The following GRXCR1 variants were observed in gnomAD, a reference collection of about 807,000 sequenced individuals.
The protein encoded by GRXCR1 is glutaredoxin and cysteine rich domain containing 1, also known as glutaredoxin domain-containing cysteine-rich protein 1.
Under a neutral mutation model 27.3 loss-of-function variants are expected in GRXCR1, and 27 were observed. The observed-to-expected ratio is 0.99, with a 90% CI of 0.73 to 1.37. The LOEUF (loss-of-function observed/expected upper bound fraction) is 1.37. Ranked by LOEUF, GRXCR1 falls within the 40% of genes most tolerant of loss-of-function variation. The probability of loss-of-function intolerance (pLI) is 0.00; values close to 1 mark genes in which losing one functional copy is unlikely to be tolerated. For synonymous variants in GRXCR1, 122 were observed against 131.1 expected (o/e 0.93, Z 0.47); for missense variants, 379 against 354.4 (o/e 1.07, Z -0.56).
At chr4:42,976,267 G>T (rs1210833886) in intron 2 of GRXCR1, among the ~76,000 whole-genome samples, 4 of 151,912 alleles carry the variant, frequency 2.6e-5, no homozygotes, top group Non-Finnish European at 5.9e-5. Flanking sequence ...CATGCAATCT[G>T]GTAAAAAGCT....
chr4:42,981,397 C>T (rs985829764), intron 2 of GRXCR1, among the ~76,000 whole-genome samples: 8 of 152,068 alleles, frequency 5.3e-5, no homozygotes, highest in Non-Finnish European at 8.8e-5. Flanking sequence ...ACTGCATATC[C>T]CTTAAAAATT....
At chr4:42,993,943 C>T (rs140413583) in intron 2 of GRXCR1, among the ~76,000 whole-genome samples, 104 of 152,170 alleles carry the variant, frequency 6.8e-4, no homozygotes, top group Admixed American at 2.7e-3. Flanking sequence ...AGAAGAAAAT[C>T]GACCCAAGCA....
intron 2 of GRXCR1, among the ~76,000 whole-genome samples, chr4:42,995,872 C>T (rs1167880653): frequency 3.3e-5 from 5 of 152,136 alleles, no homozygotes; most frequent in African/African-American, 4.8e-5. Context: ...TGATTGAGTC[C>T]GAGGACTTAG....
intron 1 of GRXCR1, among the ~76,000 whole-genome samples, chr4:42,959,659 C>CA (rs1426970383): frequency 1.3e-5 from 2 of 151,824 alleles, no homozygotes; most frequent in African/African-American, 4.8e-5. Context: ...TAAGTATGTA[C>CA]AACTTAAAAA....
intron 2 of GRXCR1, among the ~76,000 whole-genome samples, chr4:42,972,958 T>G (rs1748423596): frequency 1.3e-5 from 2 of 152,120 alleles, no homozygotes. Flanking sequence ...CACAATTTTC[T>G]GTCCTTTAGT....
chr4:42,978,290 G>A (rs767479072), intron 2 of GRXCR1, among the ~76,000 whole-genome samples: 87 of 152,040 alleles, frequency 5.7e-4, no homozygotes, highest in Admixed American at 1.4e-3. Flanking sequence ...TAGCTATTTG[G>A]GGTACTTTGT....
intron 2 of GRXCR1, among the ~76,000 whole-genome samples, chr4:42,977,767 C>T (rs1748558073): frequency 6.6e-6 from 1 of 152,012 alleles, no homozygotes; most frequent in African/African-American, 2.4e-5. Context: ...TCCCCTCACT[C>T]TGTTGATAGT....
intron 1 of GRXCR1, among the ~76,000 whole-genome samples, chr4:42,934,610 C>T (rs1404237346): frequency 6.6e-6 from 1 of 151,934 alleles, no homozygotes; most frequent in African/African-American, 2.4e-5. Flanking sequence ...TACACTTGCT[C>T]TATCATGAAA....
intron 1 of GRXCR1, among the ~76,000 whole-genome samples, chr4:42,931,592 T>C (rs1017871044): frequency 4.6e-4 from 70 of 151,744 alleles, no homozygotes; most frequent in Admixed American, 1.2e-3. Flanking sequence ...TTTTAAGAAA[T>C]TTATTATTAA....
At chr4:42,979,617 A>AT (rs989370461) in intron 2 of GRXCR1, among the ~76,000 whole-genome samples, 2 of 151,716 alleles carry the variant, frequency 1.3e-5, no homozygotes, top group Admixed American at 6.6e-5. Context: ...ATTTATTTTT[A>AT]TTTTTTGGAA....
intron 2 of GRXCR1, among the ~76,000 whole-genome samples, chr4:43,018,844 T>C (rs948752232): frequency 6.6e-6 from 1 of 152,216 alleles, no homozygotes; most frequent in African/African-American, 2.4e-5. Flanking sequence ...GTCATGGTGC[T>C]TTCATTACCT....
chr4:42,908,413 C>T (rs1357199096), intron 1 of GRXCR1, among the ~76,000 whole-genome samples: 1 of 152,136 alleles, frequency 6.6e-6, no homozygotes, highest in Non-Finnish European at 1.5e-5. Context: ...GATCCAGAAC[C>T]CTAGGAGTTG....
At chr4:42,952,305 C>A (rs1472711333) in intron 1 of GRXCR1, among the ~76,000 whole-genome samples, 1 of 152,146 alleles carries the variant, frequency 6.6e-6, no homozygotes, top group Non-Finnish European at 1.5e-5. Context: ...TGAGTAGGCT[C>A]CACTGAGTGA....
At chr4:42,980,960 GT>G (rs71201822) in intron 2 of GRXCR1, among the ~76,000 whole-genome samples, 68 of 143,596 alleles carry the variant, frequency 4.7e-4, no homozygotes, top group Non-Finnish European at 5.4e-4. Context: ...TTTTTTTTGT[GT>G]TTTTTTTTTG....
chr4:42,948,035 T>A (rs753343822), intron 1 of GRXCR1, among the ~76,000 whole-genome samples: 41 of 152,222 alleles, frequency 2.7e-4, no homozygotes, highest in Non-Finnish European at 5.9e-5. Context: ...TTTTTGCTTT[T>A]GAAATCTTGT....
intron 2 of GRXCR1, among the ~76,000 whole-genome samples, chr4:42,984,426 C>T (rs982701283): frequency 1.3e-5 from 2 of 152,204 alleles, no homozygotes; most frequent in Admixed American, 1.3e-4. Flanking sequence ...TATTTTGTCT[C>T]TTTGGTAATG....
Position 42,893,370 on chromosome 4 carries a change from A to G in GRXCR1, c.104A>G (p.Asp35Gly), listed in dbSNP as rs768993266. 1 of 1,613,840 alleles carries G rather than the reference A, an allele frequency of 6.2e-7. No individual in the cohort carries two copies. Among genetic ancestry groups the G allele is most frequent in the Non-Finnish European group, 8.5e-7 (1 of 1,179,812 alleles). Residue 35 changes from aspartate to glycine, a missense_variant, in exon 1 of 4, where the codon GAT (aspartate) becomes GGT (glycine). Coordinates refer to ENST00000399770, the MANE Select transcript of GRXCR1 (RefSeq NM_001080476.3). ...CGAGTTCTGAAGGAAGTGTATGAAG[A>G]TGGGCAACCGTCAGGCTCTCTGGAT... is the stretch of plus-strand genomic sequence containing the variant. ...SGRVLKEVYE[D>G]GQPSGSLDSE...
rs1746286488 is a variant in GRXCR1, at chr4:42,893,720, C to CA, written c.384+71dup. 89 of 1,453,856 alleles carry CA rather than the reference C, an allele frequency of 6.1e-5. No individual in the cohort carries two copies. The South Asian group carries it at 9.5e-4, about 15-fold the overall frequency. 90.1% of individuals were successfully genotyped at this position (1,453,856 alleles called of 1,614,324 possible). A position where few individuals can be genotyped will look rare whatever the true frequency, so the allele number is the denominator to read the frequency against. On this transcript the variant is annotated intron_variant, in intron 1 of 3. Transcript: ENST00000399770. ...ACCATCTGAACACCTCTCAGTTCTC[C>CA]AGTTAAAGCAAGCCTCTCTTATTTG... is the stretch of plus-strand genomic sequence containing the variant.
chr4:42,999,209 A>G (rs1002050467), intron 2 of GRXCR1, among the ~76,000 whole-genome samples: 3 of 152,206 alleles, frequency 2.0e-5, no homozygotes, highest in Non-Finnish European at 2.9e-5. Context: ...TGTGTCCTGC[A>G]CTACAGTCAA....
Sources: allele counts gnomAD v4.1 joint callset (sites outside exome capture counted in the v4.1 genomes callset), GRCh38; gene constraint gnomAD v4.1.1; transcripts MANE v1.5; gene names NCBI Gene and HGNC (gene_info 2026-07-23, HGNC 2026-07-21).